Variants in SYNGR1 observed in about 807,000 individuals in gnomAD.
SYNGR1 encodes the protein synaptogyrin 1.
SYNGR1 carries 14 observed loss-of-function variants against 26.1 expected under a neutral mutation model. The ratio of observed to expected loss-of-function variants is 0.54; its 90% CI spans 0.35 to 0.84. The LOEUF is 0.84. Among genes scored for constraint, SYNGR1 ranks in the 40% least tolerant of loss-of-function variants. The probability of loss-of-function intolerance (pLI) is 0.01; values close to 1 mark genes in which losing one functional copy is unlikely to be tolerated. For missense variants in SYNGR1, 319 were observed against 332.9 expected (o/e 0.96, Z 0.33); for synonymous variants, 141 against 150.1 (o/e 0.94, Z 0.44).
rs111232426 is a variant in SYNGR1, at chr22:39,358,689, G to A, written c.99+8580G>A. Among the ~76,000 whole-genome samples the A allele has an allele frequency of 2.2e-3, 335 of 152,152 alleles. 2 individuals are homozygous for A. The highest frequency in any genetic ancestry group is 7.8e-3 in the African/African-American group (323 of 41,532). ...GACACATCCGAACATCAGAAGGAAC[G>A]AACTCCAGACGCACCACCTTAAGAG... On this transcript the variant is annotated intron_variant, in intron 1 of 3. Coordinates refer to ENST00000328933, the MANE Select transcript of SYNGR1 (RefSeq NM_004711.5).
intron 1 of SYNGR1, among the ~76,000 whole-genome samples, chr22:39,367,506 G>A (rs573497247): frequency 6.6e-6 from 1 of 152,268 alleles, no homozygotes. Context: ...AGCACATGAA[G>A]GGCCTTGACC....
Position 39,384,841 on chromosome 22 carries a change from G to C in SYNGR1, c.*2927G>C, listed in dbSNP as rs1925607212. The C allele has an allele frequency of 5.0e-6, 2 of 399,040 alleles. No homozygotes were observed. Among genetic ancestry groups the C allele is most frequent in the Non-Finnish European group, 8.8e-6 (2 of 226,140 alleles). 24.7% of individuals were successfully genotyped at this position (399,040 alleles called of 1,614,324 possible). A position where few individuals can be genotyped will look rare whatever the true frequency, so the allele number is the denominator to read the frequency against. ...CTTAGAGTCGGCAGAGTCTGGGGTA[G>C]GGAGACAGCGACTTGTCCAAGGTCA... On this transcript the variant is annotated 3_prime_UTR_variant, in exon 4 of 4. Coordinates refer to ENST00000328933, the MANE Select transcript of SYNGR1 (RefSeq NM_004711.5).
rs1370831084 is a variant in SYNGR1 at position 39,350,848 on chromosome 22, C to T, written c.99+739C>T. ...GCTCTGACATTTCATGAACCGGTAA[C>T]ACCCCTCCCACTCAGCATGCACCTG... On this transcript the variant is annotated intron_variant, in intron 1 of 3. Coordinates refer to ENST00000328933, the MANE Select transcript of SYNGR1 (RefSeq NM_004711.5). This position sits in a 1 kb window ranked among gnomAD's most constrained non-coding sequence, Gnocchi z 4.3. Among the ~76,000 whole-genome samples, 1 of 152,188 alleles carries T rather than the reference C, an allele frequency of 6.6e-6. No homozygotes were observed. The highest frequency in any genetic ancestry group is 2.4e-5 in the African/African-American group (1 of 41,448).
At chr22:39,362,444 C>T (rs1271866375) in intron 1 of SYNGR1, among the ~76,000 whole-genome samples, 1 of 151,978 alleles carries the variant, frequency 6.6e-6, no homozygotes, top group African/African-American at 2.4e-5. Flanking sequence ...TGGAGCCTCA[C>T]CTGCCCCACC....
intron 2 of SYNGR1, chr22:39,375,664 C>G (rs117698419): frequency 5.4e-6 from 3 of 558,582 alleles, no homozygotes; most frequent in Admixed American, 3.3e-5. Context: ...AGGGGTGGAC[C>G]GGGGGGGCCC....
At chr22:39,364,139 G>T (rs1322180729) in intron 1 of SYNGR1, 2 of 1,610,414 alleles carry the variant, frequency 1.2e-6, no homozygotes, top group African/African-American at 2.7e-5. Flanking sequence ...GTGGGCCTGT[G>T]CCCTTTTGCA....
At chr22:39,381,657 C>T in intron 3 of SYNGR1, 39 bp from the exon 4 acceptor site, 1 of 1,610,158 alleles carries the variant, frequency 6.2e-7, no homozygotes, top group Middle Eastern at 1.7e-4. Flanking sequence ...TAACCACCCC[C>T]TCCCGCCTGT....
intron 1 of SYNGR1, chr22:39,364,447 C>T: frequency 7.6e-7 from 1 of 1,313,832 alleles, no homozygotes; most frequent in East Asian, 2.5e-5. Flanking sequence ...TAGGTGCCTT[C>T]TTCCATTGGC....
Position 39,384,814 on chromosome 22 carries a change from C to T in SYNGR1, c.*2900C>T, listed in dbSNP as rs41274557. ...TCACATAAGTGTAGAGTCGCAAGGA[C>T]GCTTAGAGTCGGCAGAGTCTGGGGT... On this transcript the variant is annotated 3_prime_UTR_variant, in exon 4 of 4. Coordinates refer to ENST00000328933, the MANE Select transcript of SYNGR1 (RefSeq NM_004711.5). 0.012 allele frequency: 4,713 copies of T among 399,008 alleles called. 49 individuals carry two copies. The highest frequency in any genetic ancestry group is 0.013 in the Non-Finnish European group (2,885 of 226,110). 24.7% of individuals were successfully genotyped at this position (399,008 alleles called of 1,614,324 possible). A position where few individuals can be genotyped will look rare whatever the true frequency, so the allele number is the denominator to read the frequency against.
intron 2 of SYNGR1, 132 bp downstream of exon 2, chr22:39,374,685 T>A (rs1372898390): frequency 1.1e-5 from 11 of 971,798 alleles, no homozygotes; most frequent in Non-Finnish European, 1.7e-5. Context: ...AGGGATGGAC[T>A]CAGGGTCACA....
chr22:39,363,301 C>A (rs73887479), intron 1 of SYNGR1, among the ~76,000 whole-genome samples: 6,133 of 151,534 alleles, frequency 0.04, 418 homozygotes, highest in African/African-American at 0.14. Flanking sequence ...GGTGACATGA[C>A]CTGACTTGGG....
intron 1 of SYNGR1, among the ~76,000 whole-genome samples, chr22:39,357,547 G>A (rs1924201224): frequency 6.6e-6 from 1 of 152,262 alleles, no homozygotes. Context: ...GGAGAGGCGC[G>A]AGCGGGAACC....
At chr22:39,373,775 C>T (rs984506076) in intron 1 of SYNGR1, among the ~76,000 whole-genome samples, 1 of 152,176 alleles carries the variant, frequency 6.6e-6, no homozygotes, top group African/African-American at 2.4e-5. Context: ...GAGCCACCAC[C>T]CCCAGCCCAC....
rs986392091 is a variant in SYNGR1, at chr22:39,385,182, G to A, written c.*3268G>A. ...ACGAAAGGGGGAATGCCCCTCCCAG[G>A]AGTTTATGGGAGAAGGGACTGGGCC... On this transcript the variant is annotated 3_prime_UTR_variant, in exon 4 of 4. Transcript: ENST00000328933. 2.5e-6 allele frequency: 1 copy of A among 395,254 alleles called. No homozygotes were observed. Among genetic ancestry groups the A allele is most frequent in the African/African-American group, 2.1e-5 (1 of 48,560 alleles). 24.5% of individuals were successfully genotyped at this position (395,254 alleles called of 1,614,324 possible).
rs150311775 is a variant in SYNGR1, at chr22:39,381,844, G to T, written c.632G>T (p.Gly211Val). 6.8e-6 allele frequency: 11 copies of T among 1,612,920 alleles called. No individual in the cohort carries two copies. The African/African-American group carries it at 1.2e-4, about 18-fold the overall frequency. Residue 211 changes from glycine to valine, a missense_variant, in exon 4 of 4, where the codon GGC becomes GTC. Physicochemically the swap from Gly to Val is moderately radical, Grantham distance 109. Coordinates refer to ENST00000328933, the MANE Select transcript of SYNGR1 (RefSeq NM_004711.5). ...EPTGPDPAGM[G>V]GTYQQPANTF... ...ACTGGGCCGGATCCCGCCGGTATGG[G>T]CGGCACCTACCAGCAGCCGGCCAAC...
intron 3 of SYNGR1, 101 bp downstream of exon 3, chr22:39,376,298 G>A (rs1012986682): frequency 3.1e-5 from 49 of 1,586,422 alleles, no homozygotes; most frequent in Non-Finnish European, 4.0e-5. Flanking sequence ...TCTGCCTCTG[G>A]GAGCCCACAC....
At chr22:39,374,606 C>T (rs759640966) in intron 2 of SYNGR1, 53 bp downstream of exon 2, 45 of 1,586,316 alleles carry the variant, frequency 2.8e-5, no homozygotes, top group Admixed American at 3.3e-5. Flanking sequence ...AGGGCTGTCC[C>T]GGCCATAGGA....
chr22:39,373,708 G>T (rs1222307527), intron 1 of SYNGR1, among the ~76,000 whole-genome samples: 1 of 151,228 alleles, frequency 6.6e-6, no homozygotes, highest in Non-Finnish European at 1.5e-5. Flanking sequence ...GTCTCCAACT[G>T]CTGAGCTCAA....
At chr22:39,362,518 G>A (rs1221095579) in intron 1 of SYNGR1, among the ~76,000 whole-genome samples, 1 of 152,226 alleles carries the variant, frequency 6.6e-6, no homozygotes, top group Admixed American at 6.5e-5. Context: ...CCCATCATGT[G>A]TCCATGCGGC....
Sources: allele counts gnomAD v4.1 joint callset (sites outside exome capture counted in the v4.1 genomes callset), GRCh38; gene constraint gnomAD v4.1.1; non-coding constraint Gnocchi (gnomAD v3.1); transcripts MANE v1.5; gene names NCBI Gene and HGNC (gene_info 2026-07-23, HGNC 2026-07-21).